Variants in PRR33 observed in about 807,000 individuals in gnomAD.
PRR33 encodes proline rich 33.
Under a neutral mutation model 0.5 loss-of-function variants are expected in PRR33, and 1 was observed. The observed-to-expected ratio is 2.18, with a 90% CI of 0.77 to 10.34. PRR33 has a LOEUF of 10.34. PRR33 is among the 30% of genes most tolerant of loss of function. The probability of loss-of-function intolerance (pLI) is 0.13; values close to 1 mark genes in which losing one functional copy is unlikely to be tolerated. For missense variants in PRR33, 552 were observed against 251.8 expected (o/e 2.19, Z -8.07); for synonymous variants, 226 against 110.0 (o/e 2.06, Z -6.60).
At chr11:1,905,702 C>T in the PRR33 span, among the ~76,000 whole-genome samples, 1 of 151,708 alleles carries the variant, frequency 6.6e-6, no homozygotes, top group Admixed American at 6.6e-5. Context: ...AATCCTACCA[C>T]CTTGGGCTCC....
the PRR33 span, among the ~76,000 whole-genome samples, chr11:1,900,036 G>A: frequency 6.6e-6 from 1 of 150,538 alleles, no homozygotes. Context: ...ATATATATAT[G>A]TATATTATAT....
chr11:1,893,961 A>C (rs1229398170), upstream of PRR33, among the ~76,000 whole-genome samples: 1 of 149,034 alleles, frequency 6.7e-6, no homozygotes, highest in Non-Finnish European at 1.5e-5. Context: ...GGGTGAAGGG[A>C]TAGATGAATG....
chr11:1,906,785 T>C, the PRR33 span, among the ~76,000 whole-genome samples: 1 of 152,202 alleles, frequency 6.6e-6, no homozygotes, highest in Non-Finnish European at 1.5e-5. Flanking sequence ...TCCTTTCGGA[T>C]TGTGCTTTCC....
chr11:1,892,319 TG>T (rs534508091), upstream of PRR33: 3 of 152,278 alleles, frequency 2.0e-5, no homozygotes, highest in South Asian at 6.2e-4. Flanking sequence ...ATGGAAATGT[TG>T]GGCCAGTGGC....
At chr11:1,901,053 T>C in the PRR33 span, among the ~76,000 whole-genome samples, 1 of 152,206 alleles carries the variant, frequency 6.6e-6, no homozygotes, top group Non-Finnish European at 1.5e-5. Flanking sequence ...GGCTTACGCC[T>C]GTAACCCCAT....
chr11:1,896,374 A>G (rs1169052623), upstream of PRR33, among the ~76,000 whole-genome samples: 1 of 152,180 alleles, frequency 6.6e-6, no homozygotes, highest in Non-Finnish European at 1.5e-5. Context: ...ATCTTTTGTC[A>G]GATTGACCTC....
the PRR33 span, among the ~76,000 whole-genome samples, chr11:1,899,987 G>A: frequency 4.3e-4 from 65 of 151,852 alleles, no homozygotes; most frequent in Middle Eastern, 3.4e-3. Flanking sequence ...AACATTGGTC[G>A]TAAACCATTT....
At chr11:1,890,410 G>A (rs1228699304) in exon 1 of PRR33, 2 of 717,228 alleles carry the variant, frequency 2.8e-6, no homozygotes, top group African/African-American at 1.7e-5. Context: ...AAGGCCCTGG[G>A]TGGAGCGAGG....
At chr11:1,910,016 A>G in the PRR33 span, among the ~76,000 whole-genome samples, 2 of 151,732 alleles carry the variant, frequency 1.3e-5, no homozygotes, top group South Asian at 2.1e-4. Context: ...CCCCACCCCA[A>G]TGTGGTTGCT....
chr11:1,899,263 G>C, the PRR33 span, among the ~76,000 whole-genome samples: 1 of 152,118 alleles, frequency 6.6e-6, no homozygotes, highest in Non-Finnish European at 1.5e-5. Context: ...CTCCAATGGG[G>C]CTGCAGTTGC....
At chr11:1,915,593 A>T in the PRR33 span, among the ~76,000 whole-genome samples, 1 of 10,020 alleles carries the variant, frequency 1.0e-4, no homozygotes, top group African/African-American at 5.0e-4. Context: ...GGGGGATATT[A>T]TTTGTATGTG....
At chr11:1,896,545 T>C (rs558811039), upstream of PRR33, among the ~76,000 whole-genome samples, 74 of 152,366 alleles carry the variant, frequency 4.9e-4, no homozygotes, top group African/African-American at 1.7e-3. Context: ...GTTTTTCTTT[T>C]GTTGTTGATT....
At chr11:1,894,077 T>TGAGA (rs1554978157), upstream of PRR33, among the ~76,000 whole-genome samples, 2 of 3,932 alleles carry the variant, frequency 5.1e-4, no homozygotes, top group East Asian at 2.7e-3. Context: ...TGTGTGTGTG[T>TGAGA]GATAGGGCCT....
chr11:1,899,636 C>T, the PRR33 span, among the ~76,000 whole-genome samples: 1 of 152,170 alleles, frequency 6.6e-6, no homozygotes, highest in East Asian at 1.9e-4. Flanking sequence ...CTGCAACACC[C>T]TTGACCAAGG....
chr11:1,903,489 A>C, the PRR33 span, among the ~76,000 whole-genome samples: 1 of 152,300 alleles, frequency 6.6e-6, no homozygotes, highest in South Asian at 2.1e-4. Flanking sequence ...GGGAGTAAAA[A>C]TACTGAAATC....
exon 1 of PRR33, chr11:1,890,261 C>T (rs749896401): frequency 8.4e-6 from 6 of 714,606 alleles, no homozygotes; most frequent in Admixed American, 6.0e-5. Flanking sequence ...GTAGGGCAGC[C>T]ACCATGCGGG....
the PRR33 span, among the ~76,000 whole-genome samples, chr11:1,913,301 GT>G: frequency 9.1e-5 from 9 of 98,534 alleles, no homozygotes; most frequent in Middle Eastern, 9.8e-3. Flanking sequence ...TAACTTTTTT[GT>G]TTTTTTTTTT....
chr11:1,896,584 T>C (rs917119973), upstream of PRR33, among the ~76,000 whole-genome samples: 2 of 152,242 alleles, frequency 1.3e-5, no homozygotes, highest in African/African-American at 4.8e-5. Flanking sequence ...ACGTTATCTG[T>C]AGATAAGATT....
At chr11:1,895,957 G>A (rs1218562481), upstream of PRR33, among the ~76,000 whole-genome samples, 6 of 152,080 alleles carry the variant, frequency 3.9e-5, no homozygotes, top group East Asian at 7.7e-4. Flanking sequence ...GCAGCGAGCA[G>A]AGATTGCACC....
Sources: allele counts gnomAD v4.1 joint callset (sites outside exome capture counted in the v4.1 genomes callset), GRCh38; gene constraint gnomAD v4.1.1; transcripts MANE v1.5; gene names NCBI Gene and HGNC (gene_info 2026-07-23, HGNC 2026-07-21).